TRPC4: variants seen among roughly 807,000 people sequenced by gnomAD.
The protein encoded by TRPC4 is transient receptor potential cation channel subfamily C member 4.
In TRPC4, 49 loss-of-function variants were observed where a neutral mutation model predicts 99.4. The ratio of observed to expected loss-of-function variants is 0.49; its 90% CI spans 0.39 to 0.63. The LOEUF is 0.63. Among genes scored for constraint, TRPC4 ranks in the 20% least tolerant of loss-of-function variants. The pLI is 0.00. For synonymous variants in TRPC4, 454 were observed against 425.9 expected, an observed-to-expected ratio of 1.07 and a Z score of -0.81; for missense variants, 898 against 1,152.9, an observed-to-expected ratio of 0.78 and a Z score of 3.20.
At chr13:37,804,412 C>T (rs897135715) in intron 1 of TRPC4, among the ~76,000 whole-genome samples, 5 of 151,944 alleles carry the variant, frequency 3.3e-5, no homozygotes, top group African/African-American at 1.2e-4. Context: ...TTCCTTCCTG[C>T]CCTGTTTTGA....
At chr13:37,718,688 G>C (rs1593581170) in intron 3 of TRPC4, among the ~76,000 whole-genome samples, 2 of 152,002 alleles carry the variant, frequency 1.3e-5, no homozygotes, top group Admixed American at 1.3e-4. Flanking sequence ...AGAGGAAAGA[G>C]TAAGACAAGC....
intron 3 of TRPC4, 114 bp from the exon 4 acceptor site, chr13:37,692,449 A>G (rs1953748476): frequency 1.0e-6 from 1 of 979,284 alleles, no homozygotes; most frequent in Non-Finnish European, 1.5e-6. Flanking sequence ...GTTTCACATA[A>G]TTTTACATTT....
chr13:37,749,474 G>A (rs1955874083), intron 2 of TRPC4, among the ~76,000 whole-genome samples: 1 of 152,062 alleles, frequency 6.6e-6, no homozygotes, highest in Non-Finnish European at 1.5e-5. Flanking sequence ...GGACTCCGTG[G>A]GGGACTCTGC....
At position 37,839,522 on chromosome 13, in the gene TRPC4, A is replaced by C. The variant is rs371152800; in HGVS notation, c.-28+30073T>G. Among the ~76,000 whole-genome samples, 12 of 152,312 alleles carry C rather than the reference A, an allele frequency of 7.9e-5. No homozygotes were observed. The South Asian group carries it at 1.9e-3, about 24-fold the overall frequency. On this transcript the variant is annotated intron_variant, in intron 1 of 10. Transcript: ENST00000379705. ...CTGAGAGCTTTAACTCAATTTTAATAATTCGGTTTCAATAATAAATCATTA... is the reference window on the plus strand; with the variant it reads ...CTGAGAGCTTTAACTCAATTTTAATCATTCGGTTTCAATAATAAATCATTA...
intron 2 of TRPC4, among the ~76,000 whole-genome samples, chr13:37,771,180 T>C (rs1956541936): frequency 6.6e-6 from 1 of 151,720 alleles, no homozygotes; most frequent in South Asian, 2.1e-4. Context: ...TTCCTTGAGG[T>C]CAGGAGCTCA....
At chr13:37,784,300 G>A (rs1407628718) in intron 1 of TRPC4, among the ~76,000 whole-genome samples, 2 of 151,894 alleles carry the variant, frequency 1.3e-5, no homozygotes, top group African/African-American at 4.8e-5. Context: ...AGGCAGGAAT[G>A]TATTCATTAT....
intron 1 of TRPC4, among the ~76,000 whole-genome samples, chr13:37,795,292 C>T (rs947859964): frequency 1.3e-5 from 2 of 152,056 alleles, no homozygotes; most frequent in African/African-American, 4.8e-5. Context: ...AAATACAATC[C>T]CAACAGGTAA....
chr13:37,690,701 A>G (rs967950199), intron 4 of TRPC4, among the ~76,000 whole-genome samples: 2 of 152,240 alleles, frequency 1.3e-5, no homozygotes, highest in African/African-American at 4.8e-5. Context: ...GTTTAGTTAT[A>G]TAAGTAAAAC....
chr13:37,789,253 T>C (rs992627987), intron 1 of TRPC4, among the ~76,000 whole-genome samples: 1 of 152,202 alleles, frequency 6.6e-6, no homozygotes, highest in Admixed American at 6.6e-5. Flanking sequence ...ACTTGGCTAC[T>C]GTAACTCTAA....
intron 6 of TRPC4, among the ~76,000 whole-genome samples, chr13:37,656,972 GT>G (rs961192836): frequency 6.6e-6 from 1 of 152,236 alleles, no homozygotes; most frequent in Non-Finnish European, 1.5e-5. Flanking sequence ...TTCTTTGCAT[GT>G]TTTTTTATAA....
chr13:37,823,863 A>C (rs1405423801), intron 1 of TRPC4, among the ~76,000 whole-genome samples: 2 of 150,604 alleles, frequency 1.3e-5, no homozygotes, highest in African/African-American at 4.9e-5. Flanking sequence ...TACCTTGGGC[A>C]GTATGGCCAT....
intron 5 of TRPC4, among the ~76,000 whole-genome samples, chr13:37,665,195 T>C (rs1413091172): frequency 1.3e-5 from 2 of 152,214 alleles, no homozygotes; most frequent in South Asian, 2.1e-4. Flanking sequence ...GATCACATTG[T>C]CCTTCCTTTC....
chr13:37,749,694 A>G (rs528244091), intron 2 of TRPC4, among the ~76,000 whole-genome samples: 12 of 152,106 alleles, frequency 7.9e-5, no homozygotes, highest in Admixed American at 2.0e-4. Context: ...TTCTCTCATC[A>G]CTTCTACATT....
intron 2 of TRPC4, among the ~76,000 whole-genome samples, chr13:37,768,662 G>A (rs1420707231): frequency 8.8e-5 from 6 of 68,388 alleles, no homozygotes; most frequent in Middle Eastern, 8.9e-3. Context: ...ACACACATAC[G>A]AACACACACG....
At chr13:37,845,460 T>C (rs1800781740) in intron 1 of TRPC4, among the ~76,000 whole-genome samples, 1 of 151,666 alleles carries the variant, frequency 6.6e-6, no homozygotes, top group Admixed American at 6.6e-5. Context: ...GAAACATAAA[T>C]AATAAAAAAT....
At chr13:37,854,422 G>A (rs1566226525) in intron 1 of TRPC4, among the ~76,000 whole-genome samples, 1 of 152,074 alleles carries the variant, frequency 6.6e-6, no homozygotes, top group Non-Finnish European at 1.5e-5. Flanking sequence ...TACAAGAAAT[G>A]TTAAAGAAAG....
chr13:37,704,715 T>C (rs930835829), intron 3 of TRPC4, among the ~76,000 whole-genome samples: 1 of 152,142 alleles, frequency 6.6e-6, no homozygotes, highest in Non-Finnish European at 1.5e-5. Context: ...CATTGAGGAT[T>C]ATCAACCTCC....
intron 1 of TRPC4, among the ~76,000 whole-genome samples, chr13:37,784,157 T>TTAA (rs1555271479): frequency 6.6e-6 from 1 of 152,102 alleles, no homozygotes; most frequent in Non-Finnish European, 1.5e-5. Flanking sequence ...ACTGAGAATA[T>TTAA]TAATCATCAA....
chr13:37,707,218 A>C (rs886149927), intron 3 of TRPC4, among the ~76,000 whole-genome samples: 1 of 152,188 alleles, frequency 6.6e-6, no homozygotes, highest in African/African-American at 2.4e-5. Flanking sequence ...TACTCATATA[A>C]AATTTGAAAC....
Sources: allele counts gnomAD v4.1 joint callset (sites outside exome capture counted in the v4.1 genomes callset), GRCh38; gene constraint gnomAD v4.1.1; transcripts MANE v1.5; gene names NCBI Gene and HGNC (gene_info 2026-07-23, HGNC 2026-07-21).